Variants in CD99L2 observed in about 807,000 individuals in gnomAD.
CD99L2 encodes the protein CD99 antigen-like protein 2.
A neutral mutation model predicts 27.3 loss-of-function variants in CD99L2; 24 were observed. That is an observed-to-expected ratio of 0.88 (90% CI 0.64 to 1.24). The LOEUF is 1.24. Among genes scored for constraint, CD99L2 ranks in the 50% most tolerant of loss-of-function variants. The pLI is 0.00. For missense variants in CD99L2, 255 were observed against 221.6 expected, an observed-to-expected ratio of 1.15 and a Z score of -0.96; for synonymous variants, 97 against 87.9, an observed-to-expected ratio of 1.10 and a Z score of -0.58.
rs1409938382 is a variant in CD99L2 at position 150,829,249 on chromosome X, A to T, written c.130+1982T>A. 25 of 179,993 alleles carry T rather than the reference A, an allele frequency of 1.4e-4. No homozygotes were observed. The Admixed American group carries it at 1.7e-3, about 12-fold the overall frequency. 14.8% of individuals were successfully genotyped at this position (179,993 alleles called of 1,213,427 possible). A position where few individuals can be genotyped will look rare whatever the true frequency, so the allele number is the denominator to read the frequency against. On this transcript the variant is annotated intron_variant, in intron 2 of 10. Transcript: ENST00000370377. ...TATAAATATATATTTCCTTATTTGG[A>T]AAAAGGATCTCTGCAGATGTAATTA...
intron 1 of CD99L2, among the ~76,000 whole-genome samples, chrX:150,859,177 C>A (rs2046935854): frequency 9.0e-6 from 1 of 111,688 alleles, no homozygotes; most frequent in South Asian, 3.8e-4. Context: ...TCTGGACAGA[C>A]CAATAACGAG....
At chrX:150,779,294 C>A (rs2045471099) in intron 7 of CD99L2, among the ~76,000 whole-genome samples, 1 of 112,415 alleles carries the variant, frequency 8.9e-6, no homozygotes, top group Admixed American at 9.4e-5. Context: ...ACAGCTCCAG[C>A]AATTCCTATC....
chrX:150,787,698 G>A (rs1272710213), intron 7 of CD99L2, among the ~76,000 whole-genome samples: 1 of 92,970 alleles, frequency 1.1e-5, no homozygotes, highest in East Asian at 3.7e-4. Flanking sequence ...TGAACAATGA[G>A]AACACTTGGA....
At chrX:150,798,908 G>A (rs781879703) in intron 4 of CD99L2, among the ~76,000 whole-genome samples, 1 of 111,479 alleles carries the variant, frequency 9.0e-6, no homozygotes, top group South Asian at 3.8e-4. Flanking sequence ...GCACCACCAT[G>A]CCCAGCTAAT....
chrX:150,824,592 A>G lies in CD99L2; in HGVS notation c.130+6639T>C, dbSNP rs781978746. On this transcript the variant is annotated intron_variant, in intron 2 of 10. Transcript: ENST00000370377. ...GGAGGAGGAGGAGGAGAAGGAGGAG[A>G]AGAAGAAGGAGGAGAAGAAGAAGGA... 8.1e-5 allele frequency among the ~76,000 whole-genome samples: 8 copies of G among 99,292 alleles called. No homozygotes were observed. The East Asian group carries it at 1.3e-3, about 16-fold the overall frequency. 86.2% of individuals were successfully genotyped at this position (99,292 alleles called of 115,157 possible). A position where few individuals can be genotyped will look rare whatever the true frequency, so the allele number is the denominator to read the frequency against.
Position 150,816,760 on chromosome X carries a change from C to T in CD99L2, c.131-682G>A, listed in dbSNP as rs1022961386. On this transcript the variant is annotated intron_variant, in intron 2 of 10. Coordinates refer to ENST00000370377, the MANE Select transcript of CD99L2 (RefSeq NM_031462.4). ...GACACATGCACACGTATGTTTATTG[C>T]GGCACTATTCACAATAGCAAAGACT... Among the ~76,000 whole-genome samples, 34 of 107,051 alleles carry T rather than the reference C, an allele frequency of 3.2e-4. No homozygotes were observed. In the South Asian group the frequency reaches 3.9e-3, roughly 12 times the overall value. 93.0% of individuals were successfully genotyped at this position (107,051 alleles called of 115,157 possible). A position where few individuals can be genotyped will look rare whatever the true frequency, so the allele number is the denominator to read the frequency against.
chrX:150,771,134 G>C (rs1432424889), intron 9 of CD99L2, among the ~76,000 whole-genome samples: 1 of 112,008 alleles, frequency 8.9e-6, no homozygotes, highest in Admixed American at 9.4e-5. Context: ...ACAGGGACTG[G>C]AACCCTTCAG....
intron 1 of CD99L2, among the ~76,000 whole-genome samples, chrX:150,878,371 G>GT (rs2047266898): frequency 9.2e-6 from 1 of 109,234 alleles, no homozygotes; most frequent in African/African-American, 3.3e-5. Flanking sequence ...ACACCATGGG[G>GT]GAAAAATGTC....
intron 1 of CD99L2, among the ~76,000 whole-genome samples, chrX:150,896,492 G>A (rs1439333367): frequency 2.7e-5 from 3 of 112,285 alleles, no homozygotes; most frequent in Non-Finnish European, 5.6e-5. Context: ...TATGTCTTCT[G>A]AGCTATATGA....
At chrX:150,828,846 T>C (rs1295926963) in intron 2 of CD99L2, 5 of 111,811 alleles carry the variant, frequency 4.5e-5, no homozygotes, top group East Asian at 2.8e-4. Context: ...GCGTTTTTTA[T>C]AATATAAAAA....
chrX:150,797,111 T>C (rs1411783908), intron 4 of CD99L2, among the ~76,000 whole-genome samples: 5 of 109,807 alleles, frequency 4.6e-5, no homozygotes, highest in African/African-American at 1.7e-4. Flanking sequence ...AGCTAGATAC[T>C]AGAAAAACAA....
rs111280426 is a variant in CD99L2, at chrX:150,769,119, C to T, written c.722-18G>A. 32 of 1,158,965 alleles carry T rather than the reference C, an allele frequency of 2.8e-5. No homozygotes were observed. Among genetic ancestry groups the T allele is most frequent in the South Asian group, 2.2e-4 (11 of 49,446 alleles). ...GTATTTCACTAGGGGAAAAAGAGGC[C>T]GTCAGAAGGAATTCTGCTCTGTCTT... On this transcript the variant is annotated intron_variant, in intron 10 of 10. Transcript: ENST00000370377.
At chrX:150,769,681 G>A (rs781871383) in intron 10 of CD99L2, among the ~76,000 whole-genome samples, 113 of 86,621 alleles carry the variant, frequency 1.3e-3, no homozygotes, top group African/African-American at 8.1e-3. Flanking sequence ...CCCTGCCTGC[G>A]CCACCAGGCC....
chrX:150,767,594 G>C lies in CD99L2; in HGVS notation c.*1440C>G, dbSNP rs1423473530. The C allele has an allele frequency of 8.9e-6, 1 of 111,826 alleles. No individual in the cohort carries two copies. The highest frequency in any genetic ancestry group is 3.3e-5 in the African/African-American group (1 of 30,701). 9.2% of individuals were successfully genotyped at this position (111,826 alleles called of 1,213,427 possible). A position where few individuals can be genotyped will look rare whatever the true frequency, so the allele number is the denominator to read the frequency against. On this transcript the variant is annotated 3_prime_UTR_variant, in exon 11 of 11. Coordinates refer to ENST00000370377, the MANE Select transcript of CD99L2 (RefSeq NM_031462.4). Reference sequence around the variant, plus strand: ...TAGACAGATGCATGTGGGGGCTGCAGATTCCAGTGGTTTCCTTAAGAAACT... The same window carrying C: ...TAGACAGATGCATGTGGGGGCTGCACATTCCAGTGGTTTCCTTAAGAAACT...
chrX:150,804,110 T>C (rs916340118), intron 4 of CD99L2, among the ~76,000 whole-genome samples: 5 of 112,181 alleles, frequency 4.5e-5, no homozygotes, highest in East Asian at 2.8e-4. Context: ...AGAATTCACA[T>C]TCTTTTCAAG....
chrX:150,780,015 T>C (rs964698360), intron 7 of CD99L2, among the ~76,000 whole-genome samples: 1 of 112,212 alleles, frequency 8.9e-6, no homozygotes, highest in Non-Finnish European at 1.9e-5. Flanking sequence ...AATATGTATC[T>C]GATAAGGAGC....
chrX:150,791,629 G>A (rs1473385021), intron 7 of CD99L2, among the ~76,000 whole-genome samples: 4 of 111,526 alleles, frequency 3.6e-5, no homozygotes, highest in African/African-American at 1.3e-4. Flanking sequence ...GGGGCCATGA[G>A]GAGTTGAAAC....
chrX:150,898,054 A>AACCCCCCCCC, intron 1 of CD99L2, among the ~76,000 whole-genome samples: 1 of 29,967 alleles, frequency 3.3e-5, no homozygotes, highest in Admixed American at 4.7e-4. Context: ...CGCCTCGCTG[A>AACCCCCCCCC]CCCCCCCCCC....
At chrX:150,855,268 C>T (rs910162336) in intron 1 of CD99L2, among the ~76,000 whole-genome samples, 7 of 111,945 alleles carry the variant, frequency 6.3e-5, no homozygotes, top group African/African-American at 2.3e-4. Flanking sequence ...GTCCCATATC[C>T]AGTGTGGCTG....
Sources: gnomAD v4.1 joint callset for allele counts (sites outside exome capture counted in the v4.1 genomes callset) on GRCh38, gnomAD v4.1.1 for gene constraint, MANE v1.5 for transcripts, NCBI Gene and HGNC (gene_info 2026-07-23, HGNC 2026-07-21) for gene names.